The following LEF1 variants were observed in gnomAD, a reference collection of about 807,000 sequenced individuals.
LEF1 encodes the protein lymphoid enhancer binding factor 1, also known as lymphoid enhancer-binding factor 1.
Under a neutral mutation model 51.2 loss-of-function variants are expected in LEF1, and 14 were observed. The ratio of observed to expected loss-of-function variants is 0.27; its 90% confidence interval spans 0.18 to 0.43. The LOEUF (loss-of-function observed/expected upper bound fraction) is 0.43. LEF1 is among the 20% of genes least tolerant of loss of function. LEF1 has a pLI of 1.00. For missense variants in LEF1, 386 were observed against 512.0 expected (o/e 0.75, Z 2.37); for synonymous variants, 185 against 183.2 (o/e 1.01, Z -0.08).
At chr4:108,053,257 T>C (rs1471963433) in intron 11 of LEF1, among the ~76,000 whole-genome samples, 3 of 152,288 alleles carry the variant, frequency 2.0e-5, no homozygotes, top group South Asian at 2.1e-4. Flanking sequence ...ACTGGAAATA[T>C]AACCTACAAA....
intron 3 of LEF1, among the ~76,000 whole-genome samples, chr4:108,099,550 GTGTGTA>G (rs796903212): frequency 2.2e-5 from 1 of 44,742 alleles, no homozygotes; most frequent in African/African-American, 5.4e-5. Flanking sequence ...ATATGTGTGT[GTGTGTA>G]TGTGTGTGTG....
At position 108,076,854 on chromosome 4, in the gene LEF1, C is replaced by T. The variant is rs188569780; in HGVS notation, c.1008+1366G>A. On this transcript the variant is annotated intron_variant, in intron 8 of 11. Coordinates refer to ENST00000265165, the MANE Select transcript of LEF1 (RefSeq NM_016269.5). ...TGGCCAACACAGTGAAACCCTGTCT[C>T]TACTGAAAAAAAAAATACAAAAATT... is the stretch of plus-strand genomic sequence containing the variant. Among the ~76,000 whole-genome samples, 208 of 151,070 alleles carry T rather than the reference C, an allele frequency of 1.4e-3. 1 individual carries two copies. The highest frequency in any genetic ancestry group is 2.1e-3 in the Non-Finnish European group (145 of 67,732).
chr4:108,112,607 C>CTA (rs1741601499), intron 3 of LEF1, among the ~76,000 whole-genome samples: 1 of 152,160 alleles, frequency 6.6e-6, no homozygotes, highest in African/African-American at 2.4e-5. Flanking sequence ...ATGACAGTAC[C>CTA]TATTTCATAG....
At chr4:108,158,607 C>T (rs373678139) in intron 3 of LEF1, among the ~76,000 whole-genome samples, 9 of 151,900 alleles carry the variant, frequency 5.9e-5, no homozygotes, top group African/African-American at 2.2e-4. Context: ...TTATAAAATT[C>T]CAGTCATGTC....
At position 108,128,508 on chromosome 4, in the gene LEF1, C is replaced by CT. The variant is rs543550613; in HGVS notation, c.414+35059dup. ...GGGAAAAAAGCAGACTGAGGAAGGGCTTTTTTTTTTTTCTACGATAAACTG... is the reference window on the plus strand; with the variant it reads ...GGGAAAAAAGCAGACTGAGGAAGGGCTTTTTTTTTTTTTCTACGATAAACTG... On this transcript the variant is annotated intron_variant, in intron 3 of 11. Transcript: ENST00000265165. 7.8e-4 allele frequency among the ~76,000 whole-genome samples: 112 copies of CT among 143,356 alleles called. 2 individuals are homozygous for CT. In the South Asian group the frequency reaches 0.013, roughly 17 times the overall value. 94.0% of individuals were successfully genotyped at this position (143,356 alleles called of 152,430 possible).
At chr4:108,061,427 A>G (rs1482833402) in intron 11 of LEF1, among the ~76,000 whole-genome samples, 1 of 152,132 alleles carries the variant, frequency 6.6e-6, no homozygotes, top group Non-Finnish European at 1.5e-5. Flanking sequence ...AAGAACACCA[A>G]ATCGACTACC....
intron 11 of LEF1, among the ~76,000 whole-genome samples, chr4:108,060,023 A>T (rs1460129157): frequency 2.0e-5 from 3 of 152,182 alleles, no homozygotes; most frequent in African/African-American, 7.2e-5. Context: ...ACTATTTCTA[A>T]GGTGAGGTCA....
chr4:108,147,247 A>G (rs374050500), intron 3 of LEF1, among the ~76,000 whole-genome samples: 1 of 152,168 alleles, frequency 6.6e-6, no homozygotes, highest in East Asian at 1.9e-4. Context: ...GAGATTAGCA[A>G]CAATAGAAGC....
chr4:108,158,745 A>G (rs964649441), intron 3 of LEF1, among the ~76,000 whole-genome samples: 4 of 152,094 alleles, frequency 2.6e-5, no homozygotes, highest in Admixed American at 1.3e-4. Context: ...CTCATCCGCT[A>G]CAAAATTGAT....
chr4:108,069,632 C>T (rs1398042002), intron 9 of LEF1, among the ~76,000 whole-genome samples: 1 of 152,080 alleles, frequency 6.6e-6, no homozygotes, highest in East Asian at 1.9e-4. Flanking sequence ...ATAATACAGT[C>T]CTTTGGAAAG....
intron 8 of LEF1, 131 bp from the exon 9 acceptor site, chr4:108,070,901 CA>C (rs1738434791): frequency 1.5e-6 from 1 of 648,136 alleles, no homozygotes; most frequent in Admixed American, 2.7e-5. Context: ...TGCAGAAGAC[CA>C]AGTGCCAAGT....
intron 3 of LEF1, among the ~76,000 whole-genome samples, chr4:108,138,217 A>G (rs1560817484): frequency 6.6e-6 from 1 of 152,238 alleles, no homozygotes; most frequent in Admixed American, 6.5e-5. Context: ...AAATAGATGA[A>G]AGAGTACATC....
At position 108,135,724 on chromosome 4, in the gene LEF1, G is replaced by C. The variant is rs1272951752; in HGVS notation, c.414+27844C>G. ...ACACTTCAATGGCCTGCCAGCGGGG[G>C]AGTTGTTTTTAGGCAAGTGGAGACT... On this transcript the variant is annotated intron_variant, in intron 3 of 11. Transcript: ENST00000265165. Among the ~76,000 whole-genome samples, 3 of 152,150 alleles carry C rather than the reference G, an allele frequency of 2.0e-5. No individual in the cohort carries two copies. The South Asian group carries it at 6.2e-4, about 32-fold the overall frequency.
Position 108,108,207 on chromosome 4 carries a change from T to C in LEF1, c.415-18950A>G, listed in dbSNP as rs566256026. Among the ~76,000 whole-genome samples, 4 of 152,346 alleles carry C rather than the reference T, an allele frequency of 2.6e-5. No homozygotes were observed. In the South Asian group the frequency reaches 8.3e-4, roughly 32 times the overall value. ...AGTGTGCTTCGACTTTGAGGTTTCCTTTCCAGTTGCTCAGACTTTCCACAT... is the reference window on the plus strand; with the variant it reads ...AGTGTGCTTCGACTTTGAGGTTTCCCTTCCAGTTGCTCAGACTTTCCACAT... On this transcript the variant is annotated intron_variant, in intron 3 of 11. Transcript: ENST00000265165.
At chr4:108,111,243 C>T (rs1268932736) in intron 3 of LEF1, among the ~76,000 whole-genome samples, 2 of 152,190 alleles carry the variant, frequency 1.3e-5, no homozygotes, top group Non-Finnish European at 2.9e-5. Flanking sequence ...CTTCCATTCC[C>T]ACTGGCTTTT....
In LEF1 at chr4:108,157,209, CACACACACACAA is replaced by C. The variant is rs1429315524; in HGVS notation, c.414+6347_414+6358del. ...ACACACACACACACACACACACACA[CACACACACACAA>C]ACACACATATAGCTCTTTCGCCCAG... On this transcript the variant is annotated intron_variant, in intron 3 of 11. Coordinates refer to ENST00000265165, the MANE Select transcript of LEF1 (RefSeq NM_016269.5). Among the ~76,000 whole-genome samples the C allele has an allele frequency of 3.3e-3, 491 of 148,716 alleles. 1 individual carries two copies. The highest frequency in any genetic ancestry group is 0.011 in the African/African-American group (412 of 38,782).
At chr4:108,089,012 T>C in intron 4 of LEF1, 113 bp downstream of exon 4, 2 of 1,190,904 alleles carry the variant, frequency 1.7e-6, no homozygotes, top group Non-Finnish European at 2.5e-6. Flanking sequence ...TAAAAACACA[T>C]TCTGATCCAC....
chr4:108,059,248 G>A (rs1390685859), intron 11 of LEF1, among the ~76,000 whole-genome samples: 1 of 152,236 alleles, frequency 6.6e-6, no homozygotes, highest in African/African-American at 2.4e-5. Context: ...CCGCTGGGCT[G>A]CATGCGGCCA....
At chr4:108,084,874 G>A (rs976766676) in intron 4 of LEF1, among the ~76,000 whole-genome samples, 36 of 152,008 alleles carry the variant, frequency 2.4e-4, no homozygotes, top group Non-Finnish European at 5.0e-4. Flanking sequence ...TTTTCAACTT[G>A]CTGCCCCCTT....
Sources: gnomAD v4.1 joint callset for allele counts (sites outside exome capture counted in the v4.1 genomes callset) on GRCh38, gnomAD v4.1.1 for gene constraint, MANE v1.5 for transcripts, NCBI Gene and HGNC (gene_info 2026-07-23, HGNC 2026-07-21) for gene names.